ZNF605: variants seen among roughly 807,000 people sequenced by gnomAD.
ZNF605 encodes zinc finger protein 605.
Under a neutral mutation model 7.9 loss-of-function variants are expected in ZNF605, and 9 were observed. The ratio of observed to expected loss-of-function variants is 1.14; its 90% CI spans 0.68 to 1.98. The LOEUF (loss-of-function observed/expected upper bound fraction) is 1.98. Ranked by LOEUF, ZNF605 falls within the 30% of genes most tolerant of loss-of-function variation. The pLI is 0.00. For synonymous variants in ZNF605, 255 were observed against 260.1 expected (o/e 0.98, Z 0.19); for missense variants, 673 against 762.4 (o/e 0.88, Z 1.38).
intron 3 of ZNF605, 180 bp downstream of exon 3, chr12:132,945,441 C>T: frequency 1.0e-6 from 1 of 993,074 alleles, no homozygotes; most frequent in Middle Eastern, 3.2e-4. Flanking sequence ...GTGACTGGAT[C>T]ATTTTCATGA....
At chr12:132,931,458 A>G (rs1952308781) in intron 4 of ZNF605, among the ~76,000 whole-genome samples, 1 of 152,240 alleles carries the variant, frequency 6.6e-6, no homozygotes, top group Non-Finnish European at 1.5e-5. Flanking sequence ...CTACGTGGAT[A>G]GAGATTTCAG....
At position 132,927,170 on chromosome 12, in the gene ZNF605, G is replaced by C. The variant is rs1351578963; in HGVS notation, c.137-8C>G. ...GATTATCTAGCCAGACTTCTAAAAA[G>C]AGAAAAAAATGAACCATACTGTGTA... is the stretch of plus-strand genomic sequence containing the variant. On this transcript the variant is annotated splice_polypyrimidine_tract_variant and splice_region_variant and intron_variant, in intron 4 of 4. Transcript: ENST00000360187. 1 of 1,530,986 alleles carries C rather than the reference G, an allele frequency of 6.5e-7. No individual in the cohort carries two copies. The highest frequency in any genetic ancestry group is 1.4e-5 in the African/African-American group (1 of 71,728). 94.8% of individuals were successfully genotyped at this position (1,530,986 alleles called of 1,614,324 possible). A position where few individuals can be genotyped will look rare whatever the true frequency, so the allele number is the denominator to read the frequency against.
rs1452633203 is a variant in ZNF605, at chr12:132,923,181, G to A, written c.*2192C>T. ...TTACTTCTAAATAAACTCCAAATACGTTATCATTACTTTGGCTTTAAGCAG... is the reference window on the plus strand; with the variant it reads ...TTACTTCTAAATAAACTCCAAATACATTATCATTACTTTGGCTTTAAGCAG... On this transcript the variant is annotated 3_prime_UTR_variant, in exon 5 of 5. Coordinates refer to ENST00000360187, the MANE Select transcript of ZNF605 (RefSeq NM_183238.4). The A allele has an allele frequency of 5.9e-5, 9 of 152,092 alleles. No homozygotes were observed. Among genetic ancestry groups the A allele is most frequent in the African/African-American group, 2.2e-4 (9 of 41,404 alleles). 9.4% of individuals were successfully genotyped at this position (152,092 alleles called of 1,614,324 possible).
intron 1 of ZNF605, among the ~76,000 whole-genome samples, chr12:132,949,184 GAGA>G (rs1282043577): frequency 2.0e-5 from 3 of 152,156 alleles, no homozygotes; most frequent in Admixed American, 6.5e-5. Context: ...TGTGTTCAAG[GAGA>G]AGGACACTCC....
chr12:132,943,045 C>A (rs1175886655), intron 3 of ZNF605, among the ~76,000 whole-genome samples: 2 of 152,064 alleles, frequency 1.3e-5, no homozygotes, highest in Non-Finnish European at 2.9e-5. Context: ...GGAGTGGAGT[C>A]AAGGAGTTCA....
In ZNF605 at chr12:132,926,279, A is replaced by G; in HGVS notation, c.1020T>C (p.Gly340=). Residue 340 remains glycine (G), a synonymous_variant, in exon 5 of 5, where the codon GGT becomes GGC. Transcript: ENST00000360187. ...THTGKKPYGC[G]ECQKAFSRNS... is the part of the protein sequence containing the mutation. ...TCCTGCTGAAGGCTTTTTGACACTCACCACATCCGTAAGGTTTCTTCCCTG... is the reference window on the plus strand; with the variant it reads ...TCCTGCTGAAGGCTTTTTGACACTCGCCACATCCGTAAGGTTTCTTCCCTG... 1.2e-6 allele frequency: 2 copies of G among 1,613,904 alleles called. No individual in the cohort carries two copies. The highest frequency in any genetic ancestry group is 3.3e-5 in the Admixed American group (2 of 60,000).
At chr12:132,939,978 A>G (rs1322274243) in intron 3 of ZNF605, among the ~76,000 whole-genome samples, 1 of 152,004 alleles carries the variant, frequency 6.6e-6, no homozygotes, top group Non-Finnish European at 1.5e-5. Flanking sequence ...ACCAGAAGGA[A>G]GAAACTCCGA....
chr12:132,933,009 A>G lies in ZNF605; in HGVS notation c.136+26T>C. ...CTCACAGGCCAGTTACTGGCCATAC[A>G]CTAAGTTACATAAGAATGTTCTTAC... On this transcript the variant is annotated intron_variant, in intron 4 of 4. Transcript: ENST00000360187. This position sits in a 1 kb window ranked among gnomAD's most constrained non-coding sequence, Gnocchi z 4.4. 1 of 1,560,566 alleles carries G rather than the reference A, an allele frequency of 6.4e-7. No homozygotes were observed. The highest frequency in any genetic ancestry group is 8.7e-7 in the Non-Finnish European group (1 of 1,151,838).
Position 132,926,738 on chromosome 12 carries a change from G to A in ZNF605, c.561C>T (p.His187=). 1.2e-6 allele frequency: 2 copies of A among 1,613,992 alleles called. No individual in the cohort carries two copies. The highest frequency in any genetic ancestry group is 1.3e-5 in the African/African-American group (1 of 75,028). The stretch of plus-strand genomic sequence containing the variant: ...GCTTCTCTCCTGTATGAGTTCTCTG[G>A]TGTATAACAAGTTGTGACTTCTTGT... The part of the protein sequence containing the change: ...FFNKKSQLVI[H]QRTHTGEKPY... The change falls in exon 5 of 5, where the codon CAC becomes CAT. Residue 187 remains histidine (H), a synonymous_variant. Coordinates refer to ENST00000360187, the MANE Select transcript of ZNF605 (RefSeq NM_183238.4).
chr12:132,955,787 G>A (rs950723803), intron 1 of ZNF605, among the ~76,000 whole-genome samples: 1 of 151,952 alleles, frequency 6.6e-6, no homozygotes, highest in African/African-American at 2.4e-5. Context: ...TCATTCATCA[G>A]CAGAGTCCTA....
chr12:132,939,743 T>A (rs1380898501), intron 3 of ZNF605, among the ~76,000 whole-genome samples: 4 of 152,176 alleles, frequency 2.6e-5, no homozygotes, highest in African/African-American at 9.7e-5. Context: ...GCAGGCTTTG[T>A]TCTTTCGCTC....
At chr12:132,927,527 G>A (rs11610530) in intron 4 of ZNF605, among the ~76,000 whole-genome samples, 20,025 of 151,698 alleles carry the variant, frequency 0.13, 1,665 homozygotes, top group Non-Finnish European at 0.18. Flanking sequence ...CACCACACCC[G>A]GCTACTTTTT....
Position 132,945,705 on chromosome 12 carries a change from G to A in ZNF605, c.-70C>T, listed in dbSNP as rs1335942747. ...GTCCTGACACCCTGGAGTGGCCTCT[G>A]GTCAGTGGTCTGTAAACTGAGAATA... On this transcript the variant is annotated 5_prime_UTR_variant, in exon 3 of 5. Transcript: ENST00000360187. 3.1e-6 allele frequency: 5 copies of A among 1,609,798 alleles called. No individual in the cohort carries two copies. Among genetic ancestry groups the A allele is most frequent in the Non-Finnish European group, 4.3e-6 (5 of 1,176,136 alleles).
chr12:132,942,917 C>T (rs981554661), intron 3 of ZNF605, among the ~76,000 whole-genome samples: 3 of 152,164 alleles, frequency 2.0e-5, no homozygotes, highest in African/African-American at 7.2e-5. Flanking sequence ...GGCGTCATAG[C>T]CATGGTCTGC....
Position 132,945,764 on chromosome 12 carries a change from T to A in ZNF605, c.-129A>T. On this transcript the variant is annotated 5_prime_UTR_variant, in exon 3 of 5. It removes the in-frame stop codon of an upstream open reading frame in the 5' UTR. Transcript: ENST00000360187. ...GTCTTGTGGGCTCTTCTTTCTTATC[T>A]CACATGAATTGTCTTGTTCCAGAGG... 7.5e-7 allele frequency: 1 copy of A among 1,329,512 alleles called. No individual in the cohort carries two copies. Among genetic ancestry groups the A allele is most frequent in the Non-Finnish European group, 1.1e-6 (1 of 922,130 alleles). 82.4% of individuals were successfully genotyped at this position (1,329,512 alleles called of 1,614,324 possible). A position where few individuals can be genotyped will look rare whatever the true frequency, so the allele number is the denominator to read the frequency against.
In ZNF605 at chr12:132,927,002, T is replaced by A; in HGVS notation, c.297A>T (p.Glu99Asp). Residue 99 changes from glutamate to aspartate, a missense_variant, in exon 5 of 5, where the codon GAA becomes GAT. Coordinates refer to ENST00000360187, the MANE Select transcript of ZNF605 (RefSeq NM_183238.4). ...GLRSHKCGTGEKSLKCPFDLL... is the reference protein window; with the variant it reads ...GLRSHKCGTGDKSLKCPFDLL... The stretch of plus-strand genomic sequence containing the variant: ...AATCAAAAGGACATTTCAAACTTTT[T>A]TCTCCTGTGCCACATTTATGGGATC... The A allele has an allele frequency of 6.2e-7, 1 of 1,611,734 alleles. No individual in the cohort carries two copies. Among genetic ancestry groups the A allele is most frequent in the South Asian group, 1.1e-5 (1 of 90,764 alleles).
chr12:132,954,458 G>A (rs1593609390), intron 1 of ZNF605, among the ~76,000 whole-genome samples: 4 of 149,610 alleles, frequency 2.7e-5, no homozygotes, highest in East Asian at 2.0e-4. Flanking sequence ...GAGGAGAAGG[G>A]TGGGGAGGGG....
intron 3 of ZNF605, among the ~76,000 whole-genome samples, chr12:132,939,784 T>G (rs1298811): frequency 0.42 from 63,278 of 151,992 alleles, 14,535 homozygotes; most frequent in Middle Eastern, 0.55. Flanking sequence ...TGCTCACTCT[T>G]TGGGTCCACG....
At position 132,927,966 on chromosome 12, in the gene ZNF605, C is replaced by T. The variant is rs528271036; in HGVS notation, c.137-804G>A. On this transcript the variant is annotated intron_variant, in intron 4 of 4. Transcript: ENST00000360187. ...CACCACGCCTGGCTAAATACATGAA[C>T]TTTTAAATAAGGAAATATTAAATAT... is the stretch of plus-strand genomic sequence containing the variant. Among the ~76,000 whole-genome samples, 27 of 152,210 alleles carry T rather than the reference C, an allele frequency of 1.8e-4. No homozygotes were observed. The South Asian group carries it at 4.8e-3, about 27-fold the overall frequency.
Sources: gnomAD v4.1 joint callset for allele counts (sites outside exome capture counted in the v4.1 genomes callset) on GRCh38, gnomAD v4.1.1 for gene constraint, Gnocchi (gnomAD v3.1) non-coding constraint, MANE v1.5 for transcripts, NCBI Gene and HGNC (gene_info 2026-07-23, HGNC 2026-07-21) for gene names.